The following SNTG1 variants were observed in gnomAD, a reference collection of about 807,000 sequenced individuals.
SNTG1 encodes syntrophin gamma 1, also known as gamma-1-syntrophin.
In SNTG1, 39 loss-of-function variants were observed where a neutral mutation model predicts 74.7. The observed-to-expected ratio is 0.52, with a 90% CI of 0.40 to 0.68. The LOEUF (loss-of-function observed/expected upper bound fraction) is 0.68, where lower values mean the gene tolerates loss of function less well. Ranked by LOEUF, SNTG1 falls within the 30% of genes least tolerant of loss-of-function variation. The pLI is 0.00. For synonymous variants in SNTG1, 254 were observed against 217.1 expected, an observed-to-expected ratio of 1.17 and a Z score of -1.49; for missense variants, 685 against 609.5, an observed-to-expected ratio of 1.12 and a Z score of -1.30.
At chr8:50,688,689 G>A (rs190057645) in intron 15 of SNTG1, among the ~76,000 whole-genome samples, 226 of 152,220 alleles carry the variant, frequency 1.5e-3, no homozygotes, top group Non-Finnish European at 2.2e-3. Context: ...GTCAGGTAGC[G>A]TGATGCCTCC....
At chr8:50,230,997 G>A (rs1257371400) in intron 2 of SNTG1, among the ~76,000 whole-genome samples, 1 of 151,260 alleles carries the variant, frequency 6.6e-6, no homozygotes, top group Non-Finnish European at 1.5e-5. Context: ...CCATACATCT[G>A]ATAAGGGATT....
intron 2 of SNTG1, among the ~76,000 whole-genome samples, chr8:50,391,870 C>A (rs1281681566): frequency 1.3e-5 from 2 of 152,008 alleles, no homozygotes; most frequent in Non-Finnish European, 2.9e-5. Context: ...CATAACCACA[C>A]TATAATAGTT....
chr8:50,255,783 T>A (rs1392144101), intron 2 of SNTG1, among the ~76,000 whole-genome samples: 2 of 152,196 alleles, frequency 1.3e-5, no homozygotes, highest in African/African-American at 2.4e-5. Context: ...CTGATCCTAT[T>A]TCCCCCCAAA....
In SNTG1 at chr8:50,450,785, G is replaced by A; in HGVS notation, c.363+56G>A. 4 of 1,537,050 alleles carry A rather than the reference G, an allele frequency of 2.6e-6. 1 individual carries two copies. Among genetic ancestry groups the A allele is most frequent in the Non-Finnish European group, 1.8e-6 (2 of 1,117,536 alleles). On this transcript the variant is annotated intron_variant, in intron 8 of 18. Transcript: ENST00000642720. ...TTCCCCATGTGCAAATAAGAATTTA[G>A]TGCATTGCTAAAGACTGTCACTTCA...
At chr8:50,052,481 A>G (rs1490216168) in intron 1 of SNTG1, among the ~76,000 whole-genome samples, 1 of 152,138 alleles carries the variant, frequency 6.6e-6, no homozygotes, top group African/African-American at 2.4e-5. Context: ...TTATAGGAAA[A>G]TGTAAGAATA....
intron 2 of SNTG1, among the ~76,000 whole-genome samples, chr8:50,385,407 T>A (rs556917221): frequency 2.0e-5 from 3 of 152,316 alleles, no homozygotes; most frequent in Admixed American, 2.0e-4. Flanking sequence ...TCAACTGACA[T>A]CACACCACTG....
chr8:50,519,294 G>A lies in SNTG1; in HGVS notation c.467-10883G>A, dbSNP rs1441740585. On this transcript the variant is annotated intron_variant, in intron 9 of 18. Coordinates refer to ENST00000642720, the MANE Select transcript of SNTG1 (RefSeq NM_018967.5). ...ACTCTCAATAAACTAGGTATTGATG[G>A]AATGTATCTCAAAATAACCAGAGCT... Among the ~76,000 whole-genome samples the A allele has an allele frequency of 2.0e-5, 3 of 152,074 alleles. No homozygotes were observed. In the East Asian group the frequency reaches 5.8e-4, roughly 29 times the overall value.
At chr8:50,297,339 C>T (rs752445367) in intron 2 of SNTG1, among the ~76,000 whole-genome samples, 4 of 152,130 alleles carry the variant, frequency 2.6e-5, no homozygotes, top group Non-Finnish European at 5.9e-5. Flanking sequence ...TAAAGTAGGA[C>T]AATTATAACA....
intron 4 of SNTG1, among the ~76,000 whole-genome samples, chr8:50,437,463 A>C (rs959201057): frequency 3.3e-5 from 5 of 152,190 alleles, no homozygotes; most frequent in African/African-American, 1.2e-4. Flanking sequence ...CCAGAAGCAC[A>C]CATTTTTCCA....
At chr8:50,475,852 AG>A (rs1331652166) in intron 8 of SNTG1, among the ~76,000 whole-genome samples, 3 of 152,328 alleles carry the variant, frequency 2.0e-5, no homozygotes, top group Non-Finnish European at 4.4e-5. Context: ...TGTAGATTAA[AG>A]GCAAATAAAC....
chr8:50,001,337 T>C (rs181971383), intron 1 of SNTG1, among the ~76,000 whole-genome samples: 11 of 152,094 alleles, frequency 7.2e-5, no homozygotes, highest in Admixed American at 1.3e-4. Flanking sequence ...GTAAACTCTT[T>C]GGGCAGCCTT....
chr8:50,618,632 TCTGGAGGCTCCG>T (rs1160823856), intron 13 of SNTG1, among the ~76,000 whole-genome samples: 5 of 152,216 alleles, frequency 3.3e-5, no homozygotes, highest in Non-Finnish European at 7.3e-5. Flanking sequence ...TGTATTCTCA[TCTGGAGGCTCCG>T]CTGTGGAAGA....
In SNTG1 at chr8:50,465,135, G is replaced by A. The variant is rs1288162873; in HGVS notation, c.363+14406G>A. On this transcript the variant is annotated intron_variant, in intron 8 of 18. Coordinates refer to ENST00000642720, the MANE Select transcript of SNTG1 (RefSeq NM_018967.5). ...TATTAGCTACTCCTGAGTTTATACTGCTGTCTCTAACTCAACCCTTTATCA... is the reference window on the plus strand; with the variant it reads ...TATTAGCTACTCCTGAGTTTATACTACTGTCTCTAACTCAACCCTTTATCA... Among the ~76,000 whole-genome samples the A allele has an allele frequency of 2.0e-5, 3 of 152,158 alleles. No individual in the cohort carries two copies. The East Asian group carries it at 5.8e-4, about 29-fold the overall frequency.
At chr8:50,301,224 A>C (rs1257226236) in intron 2 of SNTG1, among the ~76,000 whole-genome samples, 4 of 151,920 alleles carry the variant, frequency 2.6e-5, no homozygotes, top group Admixed American at 6.6e-5. Flanking sequence ...ATTATGCTTG[A>C]TGGTGTTCTA....
At chr8:50,488,729 T>G (rs1291644963) in intron 8 of SNTG1, among the ~76,000 whole-genome samples, 1 of 152,086 alleles carries the variant, frequency 6.6e-6, no homozygotes, top group East Asian at 1.9e-4. Context: ...GCATGACACT[T>G]GGCCCATAAA....
chr8:50,343,242 G>A lies in SNTG1; in HGVS notation c.-27-50970G>A, dbSNP rs115561653. On this transcript the variant is annotated intron_variant, in intron 2 of 18. Coordinates refer to ENST00000642720, the MANE Select transcript of SNTG1 (RefSeq NM_018967.5). ...AAAAGTGGGGAAAATAGGTAAGAAC[G>A]ACCATCAGCATTGATTCAATAGATT... 4.9e-3 allele frequency among the ~76,000 whole-genome samples: 745 copies of A among 152,262 alleles called. 9 individuals are homozygous for A. The highest frequency in any genetic ancestry group is 0.017 in the African/African-American group (707 of 41,566).
intron 1 of SNTG1, among the ~76,000 whole-genome samples, chr8:50,127,135 A>G (rs887915419): frequency 1.3e-5 from 2 of 152,114 alleles, no homozygotes; most frequent in Non-Finnish European, 2.9e-5. Flanking sequence ...TAAAACAGAA[A>G]GTAAAGGATT....
Position 50,399,223 on chromosome 8 carries a change from G to C in SNTG1, c.28-2987G>C, listed in dbSNP as rs891005362. On this transcript the variant is annotated intron_variant, in intron 3 of 18. Coordinates refer to ENST00000642720, the MANE Select transcript of SNTG1 (RefSeq NM_018967.5). The stretch of plus-strand genomic sequence containing the variant: ...TGTGTGTTTGTGAGTGTGTGTGTGT[G>C]TGTGTGCTTCTGTGATTTATTCTAA... Among the ~76,000 whole-genome samples the C allele has an allele frequency of 3.4e-5, 5 of 146,468 alleles. No individual in the cohort carries two copies. The East Asian group carries it at 1.1e-3, about 31-fold the overall frequency.
intron 4 of SNTG1, among the ~76,000 whole-genome samples, chr8:50,431,240 G>A (rs2093231788): frequency 6.6e-6 from 1 of 152,114 alleles, no homozygotes; most frequent in African/African-American, 2.4e-5. Context: ...ATATCATATA[G>A]AATAGTTTCC....
Sources: allele counts gnomAD v4.1 joint callset (sites outside exome capture counted in the v4.1 genomes callset), GRCh38; gene constraint gnomAD v4.1.1; transcripts MANE v1.5; gene names NCBI Gene and HGNC (gene_info 2026-07-23, HGNC 2026-07-21).